CCDC93: variants seen among roughly 807,000 people sequenced by gnomAD.
The protein encoded by CCDC93 is coiled-coil domain-containing protein 93.
A neutral mutation model predicts 108.2 loss-of-function variants in CCDC93; 61 were observed. That is an observed-to-expected ratio of 0.56 (90% CI 0.46 to 0.70). The LOEUF is 0.70. Among genes scored for constraint, CCDC93 ranks in the 30% least tolerant of loss-of-function variants. The pLI, the probability that CCDC93 is intolerant of heterozygous loss-of-function variation, is 0.00. For missense variants in CCDC93, 685 were observed against 764.2 expected (o/e 0.90, Z 1.22); for synonymous variants, 276 against 260.4 (o/e 1.06, Z -0.58).
intron 13 of CCDC93, chr2:117,950,074 C>T (rs1679005531): frequency 6.1e-6 from 6 of 985,242 alleles, no homozygotes; most frequent in Middle Eastern, 5.2e-4. Flanking sequence ...GGGAGTTCCC[C>T]GACCCAGAAC....
chr2:118,011,470 T>C (rs1336773072), intron 1 of CCDC93, among the ~76,000 whole-genome samples: 1 of 152,094 alleles, frequency 6.6e-6, no homozygotes, highest in Non-Finnish European at 1.5e-5. Flanking sequence ...CTCTCCCTTC[T>C]GCAAAAAATC....
intron 11 of CCDC93, among the ~76,000 whole-genome samples, chr2:117,965,693 GTTGACTGAC>G (rs1266857817): frequency 1.3e-5 from 2 of 152,080 alleles, no homozygotes; most frequent in African/African-American, 4.8e-5. Context: ...GTTTTCACAG[GTTGACTGAC>G]TCCTTACTGG....
At chr2:117,928,811 GTA>G in intron 23 of CCDC93, among the ~76,000 whole-genome samples, 1 of 152,274 alleles carries the variant, frequency 6.6e-6, no homozygotes, top group East Asian at 1.9e-4. Context: ...ACATGCACAC[GTA>G]TGTTTATTGC....
intron 17 of CCDC93, chr2:117,944,758 T>C (rs1007873775): frequency 2.1e-6 from 1 of 471,032 alleles, no homozygotes; most frequent in South Asian, 1.5e-5. Context: ...GCAGGCAAAA[T>C]CCAACAGACT....
intron 12 of CCDC93, among the ~76,000 whole-genome samples, chr2:117,952,861 A>T (rs1679102432): frequency 6.6e-6 from 1 of 152,348 alleles, no homozygotes; most frequent in South Asian, 2.1e-4. Context: ...GAATACAAAC[A>T]GCATTTCAGC....
chr2:117,981,961 G>A (rs1680137406), intron 7 of CCDC93, among the ~76,000 whole-genome samples: 1 of 152,018 alleles, frequency 6.6e-6, no homozygotes, highest in African/African-American at 2.4e-5. Context: ...TAAATACCAA[G>A]GACTGTGAAC....
At chr2:117,980,016 C>T (rs1390493285) in intron 7 of CCDC93, among the ~76,000 whole-genome samples, 2 of 152,238 alleles carry the variant, frequency 1.3e-5, no homozygotes, top group African/African-American at 4.8e-5. Flanking sequence ...GGGCTAGCAG[C>T]TATCACAGTG....
chr2:117,925,244 A>C (rs1384571002), intron 23 of CCDC93, among the ~76,000 whole-genome samples: 4 of 152,204 alleles, frequency 2.6e-5, no homozygotes, highest in African/African-American at 4.8e-5. Flanking sequence ...TACCATCATA[A>C]TGACAGGATC....
At chr2:117,999,098 A>G (rs1680755667) in intron 4 of CCDC93, 1 of 152,176 alleles carries the variant, frequency 6.6e-6, no homozygotes, top group Non-Finnish European at 1.5e-5. Context: ...TTCTCATCCT[A>G]TCAGGTAGGT....
intron 2 of CCDC93, among the ~76,000 whole-genome samples, chr2:118,007,635 C>T (rs1020611509): frequency 6.6e-6 from 1 of 152,228 alleles, no homozygotes. Context: ...AGCCATTGCA[C>T]TCCAGCCTGG....
chr2:117,944,371 A>G (rs948782368), intron 17 of CCDC93, among the ~76,000 whole-genome samples: 1 of 151,742 alleles, frequency 6.6e-6, no homozygotes, highest in Non-Finnish European at 1.5e-5. Context: ...GCAAAAACCT[A>G]TGATGATGTA....
At chr2:117,943,329 T>G (rs1393875338) in intron 18 of CCDC93, among the ~76,000 whole-genome samples, 1 of 152,240 alleles carries the variant, frequency 6.6e-6, no homozygotes, top group African/African-American at 2.4e-5. Flanking sequence ...TCAAAAAGTT[T>G]CCAAATATGC....
chr2:117,953,544 T>C (rs1399035910), intron 12 of CCDC93, among the ~76,000 whole-genome samples: 1 of 152,144 alleles, frequency 6.6e-6, no homozygotes, highest in Non-Finnish European at 1.5e-5. Context: ...TGATGTTTGC[T>C]ATGGTCTGAA....
Position 117,996,239 on chromosome 2 carries a change from A to C in CCDC93, c.462+25T>G, listed in dbSNP as rs1331224096. 2.7e-6 allele frequency: 4 copies of C among 1,493,196 alleles called. No individual in the cohort carries two copies. The Admixed American group carries it at 6.7e-5, about 25-fold the overall frequency. 92.5% of individuals were successfully genotyped at this position (1,493,196 alleles called of 1,614,324 possible). A position where few individuals can be genotyped will look rare whatever the true frequency, so the allele number is the denominator to read the frequency against. On this transcript the variant is annotated intron_variant, in intron 5 of 23. Coordinates refer to ENST00000376300, the MANE Select transcript of CCDC93 (RefSeq NM_019044.5). ...TGTGCACTCTGTTTCTCAGTGGGAC[A>C]AGAAAATAAAATCACAATACTGACC...
chr2:118,004,892 T>C (rs1205162273), intron 3 of CCDC93, among the ~76,000 whole-genome samples: 6 of 152,308 alleles, frequency 3.9e-5, no homozygotes, highest in Middle Eastern at 3.4e-3. Context: ...TTTTTAGATT[T>C]AGTTCCTTAG....
intron 11 of CCDC93, among the ~76,000 whole-genome samples, chr2:117,960,105 G>A (rs911113880): frequency 6.6e-6 from 1 of 152,128 alleles, no homozygotes; most frequent in Non-Finnish European, 1.5e-5. Flanking sequence ...GTTAATTTTA[G>A]CTTTGAGTTT....
At chr2:117,932,870 A>G (rs1377768470) in intron 22 of CCDC93, among the ~76,000 whole-genome samples, 1 of 152,352 alleles carries the variant, frequency 6.6e-6, no homozygotes, top group South Asian at 2.1e-4. Context: ...AGGACCTCAC[A>G]GCTAGGTCCC....
chr2:117,996,332 C>T lies in CCDC93; in HGVS notation c.394G>A (p.Glu132Lys). The T allele has an allele frequency of 6.2e-7, 1 of 1,613,744 alleles. No individual in the cohort carries two copies. The highest frequency in any genetic ancestry group is 8.5e-7 in the Non-Finnish European group (1 of 1,179,640). ...WLVKRAIETK[E>K]EMGDYIRSYS... Reference sequence around the variant, plus strand: ...GAGCGGATATAGTCACCCATCTCTTCTTTTGTTTCTATAGCTCGTTTCACC... The same window carrying T: ...GAGCGGATATAGTCACCCATCTCTTTTTTTGTTTCTATAGCTCGTTTCACC... Residue 132 changes from glutamate (E) to lysine (K), a missense_variant, in exon 5 of 24, where the codon GAA (glutamate) becomes AAA (lysine). Glu to Lys is a moderately conservative substitution (Grantham distance 56). Transcript: ENST00000376300.
At chr2:117,964,563 G>C (rs1308474763) in intron 11 of CCDC93, among the ~76,000 whole-genome samples, 1 of 152,010 alleles carries the variant, frequency 6.6e-6, no homozygotes, top group Non-Finnish European at 1.5e-5. Context: ...ATAAAGAGCT[G>C]ATCTCTACAA....
Sources: gnomAD v4.1 joint callset for allele counts (sites outside exome capture counted in the v4.1 genomes callset) on GRCh38, gnomAD v4.1.1 for gene constraint, MANE v1.5 for transcripts, NCBI Gene and HGNC (gene_info 2026-07-23, HGNC 2026-07-21) for gene names.